The following CABIN1 variants were observed in gnomAD, a reference collection of about 807,000 sequenced individuals.
The protein encoded by CABIN1 is calcineurin-binding protein cabin-1.
In CABIN1, 133 loss-of-function variants were observed where a neutral mutation model predicts 227.7. The observed-to-expected ratio is 0.58, with a 90% CI of 0.51 to 0.67. CABIN1 has a LOEUF of 0.67. CABIN1 is among the 30% of genes least tolerant of loss of function. The pLI is 0.00. For missense variants in CABIN1, 2,408 were observed against 2,852.5 expected, an observed-to-expected ratio of 0.84 and a Z score of 3.55; for synonymous variants, 1,086 against 1,155.1, an observed-to-expected ratio of 0.94 and a Z score of 1.21.
intron 29 of CABIN1, among the ~76,000 whole-genome samples, chr22:24,156,861 G>A (rs1171160359): frequency 6.6e-6 from 1 of 152,236 alleles, no homozygotes; most frequent in Non-Finnish European, 1.5e-5. Flanking sequence ...CCCGGGAGGG[G>A]GAAGGGAGGA....
chr22:24,013,614 A>G (rs946845577), intron 1 of CABIN1, among the ~76,000 whole-genome samples: 11 of 152,170 alleles, frequency 7.2e-5, no homozygotes, highest in African/African-American at 1.2e-4. Context: ...TAATCATACA[A>G]TTATCAAGAA....
chr22:24,155,302 G>A (rs897447181), intron 29 of CABIN1, among the ~76,000 whole-genome samples: 2 of 152,148 alleles, frequency 1.3e-5, no homozygotes, highest in African/African-American at 2.4e-5. Context: ...TACAGTACCC[G>A]CTTCCAGGCC....
At chr22:24,124,562 G>T (rs978295606) in intron 28 of CABIN1, among the ~76,000 whole-genome samples, 5 of 152,194 alleles carry the variant, frequency 3.3e-5, no homozygotes, top group African/African-American at 4.8e-5. Flanking sequence ...AGCCATAAGG[G>T]CCCTAATTCT....
At chr22:24,072,855 A>G (rs1414605753) in intron 18 of CABIN1, among the ~76,000 whole-genome samples, 1 of 152,146 alleles carries the variant, frequency 6.6e-6, no homozygotes, top group African/African-American at 2.4e-5. Flanking sequence ...TGACACCCGA[A>G]GGGATGGTAA....
At chr22:24,086,537 C>G (rs1299028415) in intron 22 of CABIN1, among the ~76,000 whole-genome samples, 1 of 152,262 alleles carries the variant, frequency 6.6e-6, no homozygotes, top group Non-Finnish European at 1.5e-5. Flanking sequence ...CACTTTCGTT[C>G]TGGCCTTAAC....
At position 24,052,580 on chromosome 22, in the gene CABIN1, A is replaced by C. The variant is rs186795243; in HGVS notation, c.806+1606A>C. On this transcript the variant is annotated intron_variant, in intron 8 of 36. Transcript: ENST00000263119. ...CTGAGGCAGGAGGATCACTTGAGTC[A>C]AGAGTTCAAGACCAGCCTGGGCAGC... Among the ~76,000 whole-genome samples the C allele has an allele frequency of 2.7e-3, 414 of 151,820 alleles. 2 individuals are homozygous for C. The highest frequency in any genetic ancestry group is 4.7e-3 in the Non-Finnish European group (322 of 67,944).
chr22:24,059,887 CTT>C (rs2039066695), intron 11 of CABIN1, 35 bp from the exon 12 acceptor site: 1 of 1,575,038 alleles, frequency 6.3e-7, no homozygotes, highest in Admixed American at 1.7e-5. Flanking sequence ...GGAAGGTACT[CTT>C]TATTCAAGTC....
chr22:24,132,241 C>T (rs1035993946), intron 28 of CABIN1, among the ~76,000 whole-genome samples: 5 of 152,192 alleles, frequency 3.3e-5, no homozygotes, highest in Non-Finnish European at 5.9e-5. Context: ...GAGCCCCTTT[C>T]TTGGGCTTCC....
intron 1 of CABIN1, among the ~76,000 whole-genome samples, chr22:24,028,813 A>G (rs956765306): frequency 2.0e-5 from 3 of 152,058 alleles, no homozygotes; most frequent in Non-Finnish European, 4.4e-5. Flanking sequence ...CTCTTCCTTC[A>G]TGGGATTTGG....
In CABIN1 at chr22:24,119,560, G is replaced by A. The variant is rs200130091; in HGVS notation, c.4494G>A (p.Pro1498=). ...GEPVAFPQGL[P]AGAEEQRQFL... ...CAGTGGCCTTCCCCCAGGGGCTGCC[G>A]GCTGGTGCTGAGGAGCAGCGGCAGT... Residue 1498 remains proline, a synonymous_variant, in exon 28 of 37, where the codon CCG becomes CCA. Transcript: ENST00000263119. The A allele has an allele frequency of 4.6e-5, 75 of 1,613,646 alleles. No homozygotes were observed. In the East Asian group the frequency reaches 6.9e-4, roughly 15 times the overall value.
chr22:24,017,396 A>G (rs2035382078), intron 1 of CABIN1, among the ~76,000 whole-genome samples: 1 of 152,100 alleles, frequency 6.6e-6, no homozygotes, highest in South Asian at 2.1e-4. Context: ...ATACATCCAC[A>G]TTGTTATGCA....
At chr22:24,075,316 G>T (rs1298476146) in intron 18 of CABIN1, among the ~76,000 whole-genome samples, 1 of 152,220 alleles carries the variant, frequency 6.6e-6, no homozygotes, top group Non-Finnish European at 1.5e-5. Context: ...TCGTTAATGG[G>T]TTATGGCCCA....
chr22:24,053,371 C>A (rs1410087375), intron 8 of CABIN1, among the ~76,000 whole-genome samples: 2 of 151,568 alleles, frequency 1.3e-5, no homozygotes, highest in Non-Finnish European at 2.9e-5. Flanking sequence ...CCACCGCACC[C>A]AGCCAGCACT....
chr22:24,100,477 A>G (rs957566858), intron 26 of CABIN1, among the ~76,000 whole-genome samples: 7 of 152,254 alleles, frequency 4.6e-5, no homozygotes, highest in African/African-American at 1.4e-4. Flanking sequence ...TCAAGGGGCC[A>G]CACTGCCCAC....
chr22:24,135,247 G>T (rs2148215384), intron 29 of CABIN1, among the ~76,000 whole-genome samples: 1 of 150,802 alleles, frequency 6.6e-6, no homozygotes, highest in East Asian at 2.0e-4. Context: ...AAAATTAGCT[G>T]GGCATGGTGG....
chr22:24,151,124 C>T lies in CABIN1; in HGVS notation c.4747-13276C>T, dbSNP rs955151546. On this transcript the variant is annotated intron_variant, in intron 29 of 36. Transcript: ENST00000263119. ...CCGAACGCCCTTGGAGGTACCAGCTCTGCCTAGGACCTCACCTCTGGCTCG... is the reference window on the plus strand; with the variant it reads ...CCGAACGCCCTTGGAGGTACCAGCTTTGCCTAGGACCTCACCTCTGGCTCG... Among the ~76,000 whole-genome samples, 3 of 152,198 alleles carry T rather than the reference C, an allele frequency of 2.0e-5. No homozygotes were observed. The South Asian group carries it at 6.2e-4, about 31-fold the overall frequency.
chr22:24,089,996 T>C (rs2041436617), intron 23 of CABIN1, among the ~76,000 whole-genome samples: 2 of 152,168 alleles, frequency 1.3e-5, no homozygotes, highest in Admixed American at 6.5e-5. Context: ...ATATGCAAGG[T>C]GAATGAGGTG....
At chr22:24,111,953 T>A (rs998404325) in intron 26 of CABIN1, among the ~76,000 whole-genome samples, 6 of 152,242 alleles carry the variant, frequency 3.9e-5, no homozygotes, top group Non-Finnish European at 5.9e-5. Context: ...TGCTTTTTTT[T>A]ATCTCACTGC....
Position 24,054,034 on chromosome 22 carries a change from G to A in CABIN1, c.807-839G>A, listed in dbSNP as rs372887519. On this transcript the variant is annotated intron_variant, in intron 8 of 36. Coordinates refer to ENST00000263119, the MANE Select transcript of CABIN1 (RefSeq NM_012295.4). ...AGAAGGAAGCCAGCCCAAAGGCCCA[G>A]TGGCATGTGAGAGTGTGATTTTGTT... 7.9e-5 allele frequency among the ~76,000 whole-genome samples: 12 copies of A among 152,306 alleles called. No homozygotes were observed. In the South Asian group the frequency reaches 2.5e-3, roughly 32 times the overall value.
Sources: gnomAD v4.1 joint callset for allele counts (sites outside exome capture counted in the v4.1 genomes callset) on GRCh38, gnomAD v4.1.1 for gene constraint, MANE v1.5 for transcripts, NCBI Gene and HGNC (gene_info 2026-07-23, HGNC 2026-07-21) for gene names.